Variants in SHTN1 observed in about 807,000 individuals in gnomAD.
SHTN1 encodes shootin 1, also known as shootin-1.
SHTN1 carries 42 observed loss-of-function variants against 83.1 expected under a neutral mutation model. The ratio of observed to expected loss-of-function variants is 0.51; its 90% CI spans 0.39 to 0.65. The LOEUF is 0.65. Among genes scored for constraint, SHTN1 ranks in the 30% least tolerant of loss-of-function variants. SHTN1 has a pLI of 0.00. For missense variants in SHTN1, 622 were observed against 737.8 expected (o/e 0.84, Z 1.82); for synonymous variants, 224 against 247.7 (o/e 0.90, Z 0.90).
chr10:116,964,432 C>T (rs1490463323), intron 3 of SHTN1, among the ~76,000 whole-genome samples: 1 of 152,190 alleles, frequency 6.6e-6, no homozygotes, highest in Non-Finnish European at 1.5e-5. Context: ...ATAGTCCTTT[C>T]TAATTCATTA....
rs142699879 is a variant in SHTN1, at chr10:117,120,913, G to A, written c.-189+5394C>T. ...AAACCTCCACCTCCCAGGTTCAAGCGATTCTCCTGCCTCAGCCTCCCTAGT... is the reference window on the plus strand; with the variant it reads ...AAACCTCCACCTCCCAGGTTCAAGCAATTCTCCTGCCTCAGCCTCCCTAGT... On this transcript the variant is annotated intron_variant, in intron 1 of 17. Coordinates refer to the SHTN1 transcript ENST00000392901. Among the ~76,000 whole-genome samples, 540 of 151,702 alleles carry A rather than the reference G, an allele frequency of 3.6e-3. 1 individual carries two copies. The highest frequency in any genetic ancestry group is 0.012 in the African/African-American group (501 of 41,364).
At chr10:116,939,233 T>C (rs1849277300) in intron 9 of SHTN1, among the ~76,000 whole-genome samples, 1 of 152,158 alleles carries the variant, frequency 6.6e-6, no homozygotes, top group African/African-American at 2.4e-5. Context: ...CTCCTGCAGC[T>C]AGTTTGGTGT....
At position 117,020,335 on chromosome 10, in the gene SHTN1, A is replaced by T. The variant is rs561863752; in HGVS notation, c.-123+28110T>A. 6.5e-4 allele frequency among the ~76,000 whole-genome samples: 90 copies of T among 138,712 alleles called. 1 individual carries two copies. In the East Asian group the frequency reaches 7.4e-3, roughly 11 times the overall value. The allele number at this position is 138,712 out of a possible 152,430, so 91.0% of individuals were successfully genotyped here. A position where few individuals can be genotyped will look rare whatever the true frequency, so the allele number is the denominator to read the frequency against. On this transcript the variant is annotated intron_variant, in intron 2 of 17. Transcript: ENST00000392901. ...TGAAACCCTGTCTCTAATAAAAATT[A>T]AAAAAAAAAAAAAATTAGCCAGGCA...
chr10:117,096,266 T>C (rs552499990), intron 1 of SHTN1, among the ~76,000 whole-genome samples: 15 of 152,188 alleles, frequency 9.9e-5, no homozygotes, highest in Non-Finnish European at 2.2e-4. Flanking sequence ...ACAAACAAAC[T>C]TTGCACAATG....
intron 1 of SHTN1, among the ~76,000 whole-genome samples, chr10:117,049,170 G>C (rs957146275): frequency 6.6e-6 from 1 of 152,176 alleles, no homozygotes. Flanking sequence ...AGAGATGTTT[G>C]CAGTCATGGT....
intron 12 of SHTN1, among the ~76,000 whole-genome samples, chr10:116,919,512 G>A (rs974317160): frequency 2.0e-5 from 3 of 152,156 alleles, no homozygotes; most frequent in Non-Finnish European, 4.4e-5. Flanking sequence ...AAAACCGGGG[G>A]TTAAGAAATT....
chr10:116,953,324 C>T (rs115363549), intron 5 of SHTN1, among the ~76,000 whole-genome samples: 2,557 of 152,214 alleles, frequency 0.017, 71 homozygotes, highest in African/African-American at 0.059. Flanking sequence ...TATTTTTATT[C>T]ATTGTTTCTT....
chr10:117,110,518 ATT>A (rs752708749), intron 1 of SHTN1, among the ~76,000 whole-genome samples: 21 of 140,574 alleles, frequency 1.5e-4, no homozygotes, highest in Non-Finnish European at 2.0e-4. Context: ...TGCCTGGGTA[ATT>A]TTTTTTTTTT....
intron 1 of SHTN1, among the ~76,000 whole-genome samples, chr10:117,113,136 A>G (rs1378654476): frequency 2.0e-5 from 3 of 152,248 alleles, no homozygotes; most frequent in African/African-American, 7.2e-5. Context: ...AAGCTAAATC[A>G]CAGGCACTTA....
At chr10:117,054,339 C>T (rs913387480) in intron 1 of SHTN1, among the ~76,000 whole-genome samples, 1 of 151,840 alleles carries the variant, frequency 6.6e-6, no homozygotes, top group African/African-American at 2.4e-5. Flanking sequence ...GCCTGTAGGA[C>T]ATCAATCTTG....
At chr10:117,118,182 C>T (rs921883494) in intron 1 of SHTN1, among the ~76,000 whole-genome samples, 2 of 151,950 alleles carry the variant, frequency 1.3e-5, no homozygotes, top group Non-Finnish European at 2.9e-5. Context: ...GCAGCTCAAA[C>T]AACTCAATAG....
intron 1 of SHTN1, among the ~76,000 whole-genome samples, chr10:117,069,287 C>T (rs753268440): frequency 2.0e-5 from 3 of 152,228 alleles, no homozygotes; most frequent in South Asian, 2.1e-4. Context: ...TTACTGGGTC[C>T]GCCCAATATA....
At chr10:116,934,691 T>C (rs1274043814) in intron 9 of SHTN1, among the ~76,000 whole-genome samples, 4 of 152,192 alleles carry the variant, frequency 2.6e-5, no homozygotes, top group Non-Finnish European at 5.9e-5. Context: ...AGTAGGTTTT[T>C]CTAATTCTGT....
chr10:116,932,289 C>T (rs1334041631), intron 9 of SHTN1, among the ~76,000 whole-genome samples: 4 of 152,122 alleles, frequency 2.6e-5, no homozygotes, highest in Non-Finnish European at 2.9e-5. Context: ...GCAGCAGGCA[C>T]GAGCAAGCAT....
intron 16 of SHTN1, among the ~76,000 whole-genome samples, chr10:116,893,989 T>G (rs1847429387): frequency 6.6e-6 from 1 of 152,214 alleles, no homozygotes; most frequent in African/African-American, 2.4e-5. Context: ...TCTACATTAG[T>G]TTCACATCAG....
intron 16 of SHTN1, among the ~76,000 whole-genome samples, chr10:116,887,722 C>G (rs1050995306): frequency 6.6e-6 from 1 of 152,142 alleles, no homozygotes; most frequent in African/African-American, 2.4e-5. Flanking sequence ...TAAACATCCA[C>G]GAGGCAGGGA....
upstream of SHTN1, chr10:117,005,272 G>T: frequency 6.9e-7 from 1 of 1,439,964 alleles, no homozygotes; most frequent in Non-Finnish European, 9.1e-7. Flanking sequence ...CGGCGGCTGC[G>T]GCCGCTTCAC....
At chr10:116,952,643 G>GT (rs1589837293) in intron 5 of SHTN1, among the ~76,000 whole-genome samples, 2 of 152,168 alleles carry the variant, frequency 1.3e-5, no homozygotes, top group African/African-American at 4.8e-5. Flanking sequence ...ATTATCAACT[G>GT]TAAGCGCAAA....
intron 2 of SHTN1, among the ~76,000 whole-genome samples, chr10:117,011,092 G>T (rs544806093): frequency 1.3e-5 from 2 of 152,116 alleles, no homozygotes; most frequent in African/African-American, 2.4e-5. Flanking sequence ...GAAAGAAAAG[G>T]CATCCAAGTT....
Sources: gnomAD v4.1 joint callset for allele counts (sites outside exome capture counted in the v4.1 genomes callset) on GRCh38, gnomAD v4.1.1 for gene constraint, MANE v1.5 for transcripts, NCBI Gene and HGNC (gene_info 2026-07-23, HGNC 2026-07-21) for gene names.